Variants in JAKMIP2 observed in about 807,000 individuals in gnomAD.
The protein encoded by JAKMIP2 is janus kinase and microtubule interacting protein 2, also known as janus kinase and microtubule-interacting protein 2.
In JAKMIP2, 25 loss-of-function variants were observed where a neutral mutation model predicts 115.0. The observed-to-expected ratio is 0.22, with a 90% confidence interval of 0.16 to 0.30. JAKMIP2 has a LOEUF of 0.30. Ranked by LOEUF, JAKMIP2 falls within the 10% of genes least tolerant of loss-of-function variation. The pLI is 1.00. For missense variants in JAKMIP2, 642 were observed against 957.6 expected (o/e 0.67, Z 4.35); for synonymous variants, 334 against 343.6 (o/e 0.97, Z 0.31).
At chr5:147,780,349 C>A (rs1215013023) in intron 1 of JAKMIP2, among the ~76,000 whole-genome samples, 1 of 152,088 alleles carries the variant, frequency 6.6e-6, no homozygotes, top group Non-Finnish European at 1.5e-5. Flanking sequence ...GCCTATAAAA[C>A]CACCTCCAAA....
rs77008583 is a variant in JAKMIP2, at chr5:147,637,279, A to C, written c.1531-231T>G. Among the ~76,000 whole-genome samples the C allele has an allele frequency of 6.8e-3, 1,028 of 151,960 alleles. 48 individuals carry two copies. In the East Asian group the frequency reaches 0.13, roughly 19 times the overall value. ...TTCGAGAACTCCCATTATATTTCCA[A>C]TCTTTTCCTACTACTCATCAGCCTA... On this transcript the variant is annotated intron_variant, in intron 10 of 21. Coordinates refer to ENST00000616793, the MANE Select transcript of JAKMIP2 (RefSeq NM_001270941.2).
chr5:147,655,545 T>C (rs1233616786), intron 3 of JAKMIP2, among the ~76,000 whole-genome samples: 1 of 152,204 alleles, frequency 6.6e-6, no homozygotes, highest in Non-Finnish European at 1.5e-5. Context: ...TTAGTGGTGA[T>C]AGCTCTTTTA....
chr5:147,740,141 C>G (rs1316420902), intron 1 of JAKMIP2, among the ~76,000 whole-genome samples: 1 of 152,186 alleles, frequency 6.6e-6, no homozygotes, highest in Non-Finnish European at 1.5e-5. Flanking sequence ...ACACTTCTAA[C>G]CTGCCATCCT....
chr5:147,657,584 T>C (rs1365590398), intron 3 of JAKMIP2, among the ~76,000 whole-genome samples: 1 of 152,188 alleles, frequency 6.6e-6, no homozygotes, highest in Non-Finnish European at 1.5e-5. Flanking sequence ...CTGCATAATA[T>C]CCTCAAGTGT....
In JAKMIP2 at chr5:147,648,791, A is replaced by G. The variant is rs146565550; in HGVS notation, c.838-317T>C. 4.6e-3 allele frequency among the ~76,000 whole-genome samples: 699 copies of G among 152,260 alleles called. 5 individuals are homozygous for G. Among genetic ancestry groups the G allele is most frequent in the African/African-American group, 0.016 (673 of 41,566 alleles). ...ATCAGAGCTGTGTGCTGTGGGACCA[A>G]GGTCATGATGTGATTACATAAGGTT... On this transcript the variant is annotated intron_variant, in intron 4 of 21. Coordinates refer to ENST00000616793, the MANE Select transcript of JAKMIP2 (RefSeq NM_001270941.2).
At chr5:147,645,605 A>G (rs1294276286) in intron 5 of JAKMIP2, among the ~76,000 whole-genome samples, 1 of 152,190 alleles carries the variant, frequency 6.6e-6, no homozygotes, top group Non-Finnish European at 1.5e-5. Flanking sequence ...TTAGTAAAGT[A>G]TGATTGTATT....
chr5:147,674,335 AAC>A (rs1759805003), intron 1 of JAKMIP2, among the ~76,000 whole-genome samples: 1 of 152,208 alleles, frequency 6.6e-6, no homozygotes, highest in Non-Finnish European at 1.5e-5. Context: ...GTGCTGCTGG[AAC>A]ACAGAGTAAA....
intron 1 of JAKMIP2, among the ~76,000 whole-genome samples, chr5:147,725,418 A>T (rs1270594144): frequency 6.6e-6 from 1 of 152,110 alleles, no homozygotes; most frequent in Non-Finnish European, 1.5e-5. Context: ...CTGTGGACTC[A>T]TCCCGAATTC....
intron 1 of JAKMIP2, among the ~76,000 whole-genome samples, chr5:147,687,932 G>A (rs973057230): frequency 5.3e-5 from 8 of 152,142 alleles, no homozygotes; most frequent in Admixed American, 2.0e-4. Context: ...ACTTGTATGC[G>A]TAGGACCCAT....
intron 1 of JAKMIP2, among the ~76,000 whole-genome samples, chr5:147,717,574 T>G (rs1414995363): frequency 4.2e-5 from 6 of 143,452 alleles, no homozygotes; most frequent in African/African-American, 7.7e-5. Context: ...CCCTTGTAAG[T>G]TGGATTCCTA....
At chr5:147,757,713 C>T (rs1580885469) in intron 1 of JAKMIP2, among the ~76,000 whole-genome samples, 1 of 152,080 alleles carries the variant, frequency 6.6e-6, no homozygotes, top group African/African-American at 2.4e-5. Flanking sequence ...CAGTATCAGA[C>T]ATGGTAAGAA....
chr5:147,714,244 A>C (rs1327714485), intron 1 of JAKMIP2, among the ~76,000 whole-genome samples: 1 of 152,230 alleles, frequency 6.6e-6, no homozygotes, highest in African/African-American at 2.4e-5. Flanking sequence ...ATGCATGAAA[A>C]ATTTGAAAGG....
chr5:147,744,495 AGAATTCTCT>A (rs565032599), intron 1 of JAKMIP2, among the ~76,000 whole-genome samples: 3 of 152,250 alleles, frequency 2.0e-5, no homozygotes, highest in Non-Finnish European at 4.4e-5. Context: ...AAAATCCAAA[AGAATTCTCT>A]GAAAGTTGTT....
intron 1 of JAKMIP2, among the ~76,000 whole-genome samples, chr5:147,759,863 G>C (rs1754872214): frequency 6.6e-6 from 1 of 152,072 alleles, no homozygotes; most frequent in South Asian, 2.1e-4. Context: ...CCATACAGGG[G>C]AGAGAAGCAG....
intron 1 of JAKMIP2, among the ~76,000 whole-genome samples, chr5:147,752,778 C>T (rs575676108): frequency 6.6e-6 from 1 of 152,184 alleles, no homozygotes; most frequent in South Asian, 2.1e-4. Flanking sequence ...GTGAATTAAA[C>T]ATCAAGGGAG....
At chr5:147,629,911 G>T (rs1757281188) in intron 14 of JAKMIP2, among the ~76,000 whole-genome samples, 165 bp from the exon 15 acceptor site, 2 of 152,286 alleles carry the variant, frequency 1.3e-5, no homozygotes, top group South Asian at 4.1e-4. Context: ...CTTACATGCT[G>T]TGTGAACTTG....
intron 21 of JAKMIP2, among the ~76,000 whole-genome samples, chr5:147,596,197 G>T (rs1182416346): frequency 1.3e-5 from 2 of 149,088 alleles, no homozygotes; most frequent in Admixed American, 1.4e-4. Context: ...ATTCAAATTT[G>T]ATCTTTTTTT....
At chr5:147,683,218 G>C (rs1760388364) in intron 1 of JAKMIP2, among the ~76,000 whole-genome samples, 1 of 152,172 alleles carries the variant, frequency 6.6e-6, no homozygotes, top group Non-Finnish European at 1.5e-5. Flanking sequence ...GACCAGGTGT[G>C]ATGGCTCATG....
rs559225877 is a variant in JAKMIP2, at chr5:147,655,811, T to A, written c.627+5137A>T. Among the ~76,000 whole-genome samples the A allele has an allele frequency of 4.3e-4, 66 of 152,216 alleles. 1 individual carries two copies. Among genetic ancestry groups the A allele is most frequent in the Admixed American group, 7.2e-4 (11 of 15,298 alleles). ...AGGGTGTTGATTTTAGATTTTTCCA[T>A]CTTTCTGATGTGGGCATTTAGTGCT... On this transcript the variant is annotated intron_variant, in intron 3 of 21. Transcript: ENST00000616793.
Sources: gnomAD v4.1 joint callset for allele counts (sites outside exome capture counted in the v4.1 genomes callset) on GRCh38, gnomAD v4.1.1 for gene constraint, MANE v1.5 for transcripts, NCBI Gene and HGNC (gene_info 2026-07-23, HGNC 2026-07-21) for gene names.